The following ABCB1 variants were observed in gnomAD, a reference collection of about 807,000 sequenced individuals.
ABCB1 encodes the protein ATP-dependent translocase ABCB1.
Under a neutral mutation model 142.0 loss-of-function variants are expected in ABCB1, and 69 were observed. The ratio of observed to expected loss-of-function variants is 0.49; its 90% CI spans 0.40 to 0.59. ABCB1 has a LOEUF of 0.59. Ranked by LOEUF, ABCB1 falls within the 20% of genes least tolerant of loss-of-function variation. The probability of loss-of-function intolerance (pLI) is 0.00; values close to 1 mark genes in which losing one functional copy is unlikely to be tolerated. For synonymous variants in ABCB1, 532 were observed against 539.2 expected, an observed-to-expected ratio of 0.99 and a Z score of 0.18; for missense variants, 1,326 against 1,554.7, an observed-to-expected ratio of 0.85 and a Z score of 2.47.
chr7:87,685,916 C>A (rs1827412195), intron 1 of ABCB1, among the ~76,000 whole-genome samples: 1 of 152,126 alleles, frequency 6.6e-6, no homozygotes, highest in Non-Finnish European at 1.5e-5. Flanking sequence ...ACTCCTTGAT[C>A]CTCACTTATT....
intron 26 of ABCB1, among the ~76,000 whole-genome samples, chr7:87,508,038 A>T (rs1814825826): frequency 6.6e-6 from 1 of 152,188 alleles, no homozygotes; most frequent in South Asian, 2.1e-4. Context: ...TTCTGTGCTC[A>T]GTACCTAGGT....
At chr7:87,527,749 A>T (rs1815849711) in intron 21 of ABCB1, among the ~76,000 whole-genome samples, 2 of 152,200 alleles carry the variant, frequency 1.3e-5, no homozygotes, top group Admixed American at 1.3e-4. Flanking sequence ...GTGTCACTGC[A>T]TTTTAAGCAG....
intron 1 of ABCB1, among the ~76,000 whole-genome samples, 151 bp downstream of exon 1, chr7:87,600,604 A>G (rs1819413789): frequency 6.6e-6 from 1 of 152,178 alleles, no homozygotes; most frequent in Admixed American, 6.5e-5. Context: ...GTCTAGATCT[A>G]ACCCCACTTG....
intron 1 of ABCB1, among the ~76,000 whole-genome samples, chr7:87,704,035 C>T (rs1340955778): frequency 6.7e-6 from 1 of 149,700 alleles, no homozygotes; most frequent in Non-Finnish European, 1.5e-5. Context: ...ATTCTCCTGC[C>T]TCAACCTCCT....
chr7:87,579,790 G>A (rs555740567), intron 4 of ABCB1, among the ~76,000 whole-genome samples: 2 of 151,764 alleles, frequency 1.3e-5, no homozygotes, highest in Non-Finnish European at 2.9e-5. Context: ...TTAATGTCTT[G>A]CTTTTAATTT....
chr7:87,662,028 C>T (rs1242611985), intron 1 of ABCB1, among the ~76,000 whole-genome samples: 2 of 151,992 alleles, frequency 1.3e-5, no homozygotes, highest in Non-Finnish European at 2.9e-5. Context: ...ATTTCATATA[C>T]CTGTTTGCCA....
At chr7:87,677,968 A>G (rs1048057622) in intron 1 of ABCB1, among the ~76,000 whole-genome samples, 4 of 152,212 alleles carry the variant, frequency 2.6e-5, no homozygotes, top group Non-Finnish European at 4.4e-5. Flanking sequence ...AGAGATGAGG[A>G]CAAAATAAAG....
At chr7:87,550,360 T>C in intron 11 of ABCB1, 64 bp from the exon 12 acceptor site, 1 of 1,612,222 alleles carries the variant, frequency 6.2e-7, no homozygotes, top group Non-Finnish European at 8.5e-7. Context: ...AGGAACTGAC[T>C]GTTCACTAGG....
intron 7 of ABCB1, among the ~76,000 whole-genome samples, chr7:87,563,986 G>A (rs959186278): frequency 8.1e-6 from 1 of 123,544 alleles, no homozygotes; most frequent in African/African-American, 3.8e-5. Context: ...ATACATAGAG[G>A]GGAACAACAC....
At chr7:87,506,149 G>T in intron 26 of ABCB1, 106 bp from the exon 27 acceptor site, 2 of 1,171,932 alleles carry the variant, frequency 1.7e-6, no homozygotes, top group Non-Finnish European at 2.5e-6. Context: ...AAAAATTTAG[G>T]TTCAGAAGCT....
chr7:87,520,100 G>C (rs901485060), intron 22 of ABCB1, among the ~76,000 whole-genome samples: 6 of 152,142 alleles, frequency 3.9e-5, no homozygotes, highest in Non-Finnish European at 5.9e-5. Flanking sequence ...GGGCAGGTTA[G>C]CAAGTGGGCA....
intron 1 of ABCB1, among the ~76,000 whole-genome samples, chr7:87,626,100 T>A (rs571441922): frequency 0.02 from 1,812 of 90,834 alleles, 30 homozygotes; most frequent in African/African-American, 0.026. Flanking sequence ...ATATATATAT[T>A]GTCATATATA....
Position 87,509,451 on chromosome 7 carries a change from T to C in ABCB1, c.3313A>G (p.Asn1105Asp). ...LLDGKEIKRL[N>D]VQWLRAHLGI... ...AGGTGTGCTCGGAGCCACTGAACAT[T>C]CAGTCGCTTTATTTCTTTGCCATCA... The change falls in exon 26 of 28, where the codon AAT becomes GAT. Residue 1105 changes from asparagine (N) to aspartate (D), a missense_variant. Physicochemically the swap from Asn to Asp is conservative, Grantham distance 23 (BLOSUM62 1). Transcript: ENST00000622132. 1.2e-6 allele frequency: 2 copies of C among 1,614,160 alleles called. No homozygotes were observed. Among genetic ancestry groups the C allele is most frequent in the Non-Finnish European group, 1.7e-6 (2 of 1,180,018 alleles).
At chr7:87,548,509 T>C (rs1216245040) in intron 14 of ABCB1, among the ~76,000 whole-genome samples, 1 of 152,196 alleles carries the variant, frequency 6.6e-6, no homozygotes, top group African/African-American at 2.4e-5. Context: ...TTTTTTTCTC[T>C]CTCAAAAATT....
At chr7:87,615,342 G>A (rs1819999590) in intron 1 of ABCB1, among the ~76,000 whole-genome samples, 3 of 152,200 alleles carry the variant, frequency 2.0e-5, no homozygotes, top group South Asian at 2.1e-4. Context: ...AGAGGCCAGT[G>A]TGGCTGGAGT....
chr7:87,654,162 A>G (rs1014001194), intron 1 of ABCB1, among the ~76,000 whole-genome samples: 1 of 151,970 alleles, frequency 6.6e-6, no homozygotes, highest in Non-Finnish European at 1.5e-5. Flanking sequence ...AATCTACCCA[A>G]CATAATCTAC....
At chr7:87,673,366 T>C (rs893212862) in intron 1 of ABCB1, among the ~76,000 whole-genome samples, 1 of 152,214 alleles carries the variant, frequency 6.6e-6, no homozygotes, top group Non-Finnish European at 1.5e-5. Flanking sequence ...ATGAATCACA[T>C]ATTTTGTCTC....
chr7:87,549,834 G>A lies in ABCB1; in HGVS notation c.1554+17C>T, dbSNP rs1310697851. On this transcript the variant is annotated intron_variant, in intron 13 of 27. Transcript: ENST00000622132. ...TTTTTTGCACCTCTAGAAAGGCAAA[G>A]GGCAAGGACAACTTACATGAGGCAG... The A allele has an allele frequency of 6.2e-7, 1 of 1,613,818 alleles. No homozygotes were observed. The highest frequency in any genetic ancestry group is 8.5e-7 in the Non-Finnish European group (1 of 1,179,886).
At position 87,626,098 on chromosome 7, in the gene ABCB1, ATT is replaced by A. The variant is rs1491189482; in HGVS notation, c.-330-25022_-330-25021del. ...GAGACATATATATATATATATATAT[ATT>A]GTCATATATATGTGTCATATATATT... is the stretch of plus-strand genomic sequence containing the variant. On this transcript the variant is annotated intron_variant, in intron 1 of 28. Coordinates refer to the ABCB1 transcript ENST00000265724. Among the ~76,000 whole-genome samples, 730 of 105,042 alleles carry A rather than the reference ATT, an allele frequency of 6.9e-3. 7 individuals carry two copies. The highest frequency in any genetic ancestry group is 0.02 in the South Asian group (54 of 2,748). The allele number at this position is 105,042 out of a possible 152,430, so 68.9% of individuals were successfully genotyped here. A position where few individuals can be genotyped will look rare whatever the true frequency, so the allele number is the denominator to read the frequency against.
Sources: allele counts gnomAD v4.1 joint callset (sites outside exome capture counted in the v4.1 genomes callset), GRCh38; gene constraint gnomAD v4.1.1; transcripts MANE v1.5; gene names NCBI Gene and HGNC (gene_info 2026-07-23, HGNC 2026-07-21).